The following GNPDA2 variants were observed in gnomAD, a reference collection of about 807,000 sequenced individuals.
The protein encoded by GNPDA2 is glucosamine-6-phosphate deaminase 2.
GNPDA2 carries 24 observed loss-of-function variants against 27.0 expected under a neutral mutation model. The ratio of observed to expected loss-of-function variants is 0.89; its 90% CI spans 0.64 to 1.25. The LOEUF is 1.25. Among genes scored for constraint, GNPDA2 ranks in the 50% most tolerant of loss-of-function variants. The probability of loss-of-function intolerance (pLI) is 0.00; values close to 1 mark genes in which losing one functional copy is unlikely to be tolerated. For missense variants in GNPDA2, 286 were observed against 335.1 expected (o/e 0.85, Z 1.14); for synonymous variants, 94 against 108.4 (o/e 0.87, Z 0.83).
At chr4:44,724,162 C>A (rs1220185007) in intron 1 of GNPDA2, among the ~76,000 whole-genome samples, 3 of 151,998 alleles carry the variant, frequency 2.0e-5, no homozygotes, top group Admixed American at 6.6e-5. Context: ...GGTTACCTGC[C>A]CCCAGACGCA....
intron 6 of GNPDA2, chr4:44,704,410 C>A (rs1048934168): frequency 2.1e-6 from 2 of 934,780 alleles, no homozygotes; most frequent in Non-Finnish European, 2.6e-6. Flanking sequence ...ACTTTGATTA[C>A]GGAAAGAATA....
In GNPDA2 at chr4:44,707,433, T is replaced by C. The variant is rs539058993; in HGVS notation, c.769+319A>G. 6.0e-5 allele frequency: 21 copies of C among 352,588 alleles called. 1 individual carries two copies. The South Asian group carries it at 2.5e-3, about 42-fold the overall frequency. The allele number at this position is 352,588 out of a possible 1,614,324, so 21.8% of individuals were successfully genotyped here. ...AGTAAACATGAAAAGAAATCCAGAA[T>C]GGACAAAGATACATTTTCTTTTGGG... On this transcript the variant is annotated intron_variant, in intron 6 of 6. Transcript: ENST00000295448.
At chr4:44,715,612 G>C (rs1038990253) in intron 4 of GNPDA2, among the ~76,000 whole-genome samples, 2 of 152,018 alleles carry the variant, frequency 1.3e-5, no homozygotes, top group Non-Finnish European at 2.9e-5. Flanking sequence ...CTACTGTCTA[G>C]CCTGAATATT....
At chr4:44,708,801 T>C (rs1044580017) in intron 5 of GNPDA2, among the ~76,000 whole-genome samples, 2 of 152,162 alleles carry the variant, frequency 1.3e-5, no homozygotes, top group African/African-American at 4.8e-5. Context: ...TATAACAAAT[T>C]TTGTATTACA....
chr4:44,722,851 T>A (rs1717763702), intron 1 of GNPDA2, among the ~76,000 whole-genome samples: 2 of 152,172 alleles, frequency 1.3e-5, no homozygotes, highest in Non-Finnish European at 2.9e-5. Flanking sequence ...GTAAATAAAA[T>A]GCCCAGTTAT....
At chr4:44,704,326 A>G in intron 6 of GNPDA2, 1 of 966,620 alleles carries the variant, frequency 1.0e-6, no homozygotes, top group Non-Finnish European at 1.2e-6. Flanking sequence ...TAGAAGATGC[A>G]ACATTTTCCA....
intron 1 of GNPDA2, among the ~76,000 whole-genome samples, chr4:44,723,438 T>G (rs1206313144): frequency 5.9e-5 from 9 of 152,172 alleles, no homozygotes; most frequent in Admixed American, 5.9e-4. Context: ...ATCAGTCTAC[T>G]TTCCATCACC....
At chr4:44,721,589 T>A (rs984711820) in intron 2 of GNPDA2, among the ~76,000 whole-genome samples, 1 of 151,890 alleles carries the variant, frequency 6.6e-6, no homozygotes, top group African/African-American at 2.4e-5. Flanking sequence ...TTGTAATACA[T>A]CTATAATAGA....
intron 4 of GNPDA2, among the ~76,000 whole-genome samples, chr4:44,711,780 T>C (rs574678940): frequency 6.7e-6 from 1 of 149,950 alleles, no homozygotes; most frequent in East Asian, 2.0e-4. Flanking sequence ...GTAACCCTTG[T>C]AAGAAATAAC....
rs762902700 is a variant in GNPDA2, at chr4:44,702,958, C to G, written c.*123G>C. ...ATATGGAATGTTTAACATAGAGACT[C>G]GAATGAAAAAATGACAATCTTCAAA... On this transcript the variant is annotated 3_prime_UTR_variant, in exon 7 of 7. Transcript: ENST00000295448. 1.3e-6 allele frequency: 2 copies of G among 1,526,488 alleles called. No individual in the cohort carries two copies. Among genetic ancestry groups the G allele is most frequent in the African/African-American group, 1.4e-5 (1 of 71,010 alleles). The allele number at this position is 1,526,488 out of a possible 1,614,324, so 94.6% of individuals were successfully genotyped here. A position where few individuals can be genotyped will look rare whatever the true frequency, so the allele number is the denominator to read the frequency against.
At position 44,702,180 on chromosome 4, in the gene GNPDA2, TTAAAGA is replaced by T. The variant is rs1009891122; in HGVS notation, c.*895_*900del. 1 of 888,250 alleles carries T rather than the reference TTAAAGA, an allele frequency of 1.1e-6. No individual in the cohort carries two copies. Among genetic ancestry groups the T allele is most frequent in the Non-Finnish European group, 1.3e-6 (1 of 740,948 alleles). 55.0% of individuals were successfully genotyped at this position (888,250 alleles called of 1,614,324 possible). Reference sequence around the variant, plus strand: ...TTATTTATTACACGCTTTATTTGAGTTAAAGATAAAAAACAATATACTTTTATGTAA... The same window carrying T: ...TTATTTATTACACGCTTTATTTGAGTTAAAAAACAATATACTTTTATGTAA... On this transcript the variant is annotated 3_prime_UTR_variant, in exon 7 of 7. Coordinates refer to ENST00000295448, the MANE Select transcript of GNPDA2 (RefSeq NM_138335.3).
At chr4:44,719,555 C>T (rs1197699245) in intron 2 of GNPDA2, among the ~76,000 whole-genome samples, 1 of 151,950 alleles carries the variant, frequency 6.6e-6, no homozygotes, top group Non-Finnish European at 1.5e-5. Flanking sequence ...TAAAATTTTA[C>T]GTTTCTCAAC....
chr4:44,721,535 T>C (rs1717668251), intron 2 of GNPDA2, among the ~76,000 whole-genome samples: 1 of 152,078 alleles, frequency 6.6e-6, no homozygotes, highest in African/African-American at 2.4e-5. Flanking sequence ...GAAAACTGAA[T>C]TCAATAAAAT....
intron 6 of GNPDA2, chr4:44,703,485 T>C (rs1716398222): frequency 2.0e-6 from 2 of 1,017,158 alleles, no homozygotes; most frequent in African/African-American, 1.7e-5. Context: ...TAAAAGTCTA[T>C]GTTGATATTG....
At chr4:44,722,951 A>T (rs2109725205) in intron 1 of GNPDA2, among the ~76,000 whole-genome samples, 1 of 152,350 alleles carries the variant, frequency 6.6e-6, no homozygotes, top group African/African-American at 2.4e-5. Context: ...ATAGGATCAC[A>T]CTAGACATGT....
In GNPDA2 at chr4:44,702,481, C is replaced by T. The variant is rs377720807; in HGVS notation, c.*600G>A. The T allele has an allele frequency of 8.1e-6, 8 of 983,572 alleles. No individual in the cohort carries two copies. Among genetic ancestry groups the T allele is most frequent in the Non-Finnish European group, 9.7e-6 (8 of 827,912 alleles). 60.9% of individuals were successfully genotyped at this position (983,572 alleles called of 1,614,324 possible). On this transcript the variant is annotated 3_prime_UTR_variant, in exon 7 of 7. Coordinates refer to ENST00000295448, the MANE Select transcript of GNPDA2 (RefSeq NM_138335.3). ...GAAGAAGGTGCACAAAAAACATGCACTTACACATACTTTCCAAAAGGATGT... is the reference window on the plus strand; with the variant it reads ...GAAGAAGGTGCACAAAAAACATGCATTTACACATACTTTCCAAAAGGATGT...
intron 4 of GNPDA2, among the ~76,000 whole-genome samples, chr4:44,713,415 G>T (rs1486545285): frequency 6.6e-6 from 1 of 152,080 alleles, no homozygotes; most frequent in Non-Finnish European, 1.5e-5. Flanking sequence ...CCAAAGACTT[G>T]GTTGTTTTAA....
At chr4:44,714,992 G>C (rs949666224) in intron 4 of GNPDA2, among the ~76,000 whole-genome samples, 8 of 151,964 alleles carry the variant, frequency 5.3e-5, no homozygotes, top group Admixed American at 2.6e-4. Context: ...AAGACAAACT[G>C]GTTAAAAAAC....
At chr4:44,726,132 G>A (rs1299667748) in intron 1 of GNPDA2, among the ~76,000 whole-genome samples, 1 of 152,176 alleles carries the variant, frequency 6.6e-6, no homozygotes, top group East Asian at 1.9e-4. Context: ...TCAGCTGCGC[G>A]TTTGCCTGGC....
Sources: allele counts gnomAD v4.1 joint callset (sites outside exome capture counted in the v4.1 genomes callset), GRCh38; gene constraint gnomAD v4.1.1; transcripts MANE v1.5; gene names NCBI Gene and HGNC (gene_info 2026-07-23, HGNC 2026-07-21).